Variants in MTF2 observed in about 807,000 individuals in gnomAD.
The protein encoded by MTF2 is metal response element binding transcription factor 2.
MTF2 carries 11 observed loss-of-function variants against 79.5 expected under a neutral mutation model. The observed-to-expected ratio is 0.14, with a 90% CI of 0.09 to 0.23. MTF2 has a LOEUF of 0.23. Ranked by LOEUF, MTF2 falls within the 10% of genes least tolerant of loss-of-function variation. The pLI is 1.00. For synonymous variants in MTF2, 208 were observed against 232.8 expected (o/e 0.89, Z 0.97); for missense variants, 486 against 711.2 (o/e 0.68, Z 3.60).
chr1:93,129,090 C>T (rs1167366574), intron 10 of MTF2, 188 bp from the exon 11 acceptor site: 1 of 400,096 alleles, frequency 2.5e-6, no homozygotes, highest in African/African-American at 2.1e-5. Context: ...ATCCCTTCCT[C>T]CCCATCATAT....
intron 14 of MTF2, among the ~76,000 whole-genome samples, chr1:93,135,015 G>A (rs531753353): frequency 6.6e-6 from 1 of 152,160 alleles, no homozygotes; most frequent in South Asian, 2.1e-4. Context: ...TGTCACCCAG[G>A]CTGGAGTACA....
At chr1:93,094,130 A>C (rs1655186269) in intron 1 of MTF2, among the ~76,000 whole-genome samples, 1 of 152,078 alleles carries the variant, frequency 6.6e-6, no homozygotes, top group African/African-American at 2.4e-5. Context: ...TGGCCTTTTC[A>C]ATCTGGTTAC....
rs757605105 is a variant in MTF2 at position 93,133,803 on chromosome 1, C to T, written c.1261C>T (p.Leu421Phe). The T allele has an allele frequency of 6.2e-7, 1 of 1,601,886 alleles. No homozygotes were observed. Among genetic ancestry groups the T allele is most frequent in the Non-Finnish European group, 8.5e-7 (1 of 1,170,528 alleles). The change falls in exon 12 of 15, where the codon CTT becomes TTT. Residue 421 changes from leucine (L) to phenylalanine (F), a missense_variant. Transcript: ENST00000370298. ...RKMIQKTAEP[L>F]LDKESISENP... Reference sequence around the variant, plus strand: ...AATGATTCAAAAAACTGCTGAGCCACTTTTGGTAAGAGGATATGTTGGTAT... The same window carrying T: ...AATGATTCAAAAAACTGCTGAGCCATTTTTGGTAAGAGGATATGTTGGTAT...
In MTF2 at chr1:93,100,832, A is replaced by T. The variant is rs114819776; in HGVS notation, c.6-9398A>T. ...TTAATGCAGTGCCAAGCTTAAGCAG[A>T]TTACCTGTTGCTTCCCTTATACCTG... On this transcript the variant is annotated intron_variant, in intron 1 of 14. Transcript: ENST00000370298. Among the ~76,000 whole-genome samples the T allele has an allele frequency of 6.3e-3, 953 of 152,306 alleles. 4 individuals carry two copies. Among genetic ancestry groups the T allele is most frequent in the Non-Finnish European group, 8.7e-3 (590 of 68,024 alleles).
rs1038231322 is a variant in MTF2 at position 93,138,826 on chromosome 1, A to G, written c.*1799A>G. ...GTGTATCCTTATTCACTCCACCTGT[A>G]TCATATTATTTCATTTTCCCCAAAG... On this transcript the variant is annotated 3_prime_UTR_variant, in exon 15 of 15. Transcript: ENST00000370298. 18 of 152,194 alleles carry G rather than the reference A, an allele frequency of 1.2e-4. No individual in the cohort carries two copies. Among genetic ancestry groups the G allele is most frequent in the Non-Finnish European group, 7.4e-5 (5 of 68,018 alleles). The allele number at this position is 152,194 out of a possible 1,614,324, so 9.4% of individuals were successfully genotyped here.
intron 6 of MTF2, among the ~76,000 whole-genome samples, chr1:93,116,623 C>T (rs572114139): frequency 2.0e-5 from 3 of 151,798 alleles, no homozygotes; most frequent in African/African-American, 7.3e-5. Context: ...ATCTCAGCCT[C>T]CTGAGTAGGT....
chr1:93,136,914 G>A lies in MTF2; in HGVS notation c.1669G>A (p.Gly557Ser). 6.2e-7 allele frequency: 1 copy of A among 1,614,118 alleles called. No individual in the cohort carries two copies. The change falls in exon 15 of 15, where the codon GGT (glycine) becomes AGT (serine). Residue 557 changes from glycine to serine, a missense_variant. By Grantham distance (56) the Gly-to-Ser change is moderately conservative. Coordinates refer to ENST00000370298, the MANE Select transcript of MTF2 (RefSeq NM_007358.4). Reference protein sequence around the residue: ...HLKNSITSYFGAAGRIACGEK... With the variant: ...HLKNSITSYFSAAGRIACGEK... ...AAAGAACTCCATTACCAGTTATTTT[G>A]GTGCTGCAGGTAGAATAGCATGTGG...
chr1:93,109,106 CT>C (rs1327732095), intron 1 of MTF2, among the ~76,000 whole-genome samples: 3 of 151,924 alleles, frequency 2.0e-5, no homozygotes, highest in Admixed American at 2.0e-4. Flanking sequence ...AACTTTTATG[CT>C]GTTTTTAGAA....
intron 1 of MTF2, among the ~76,000 whole-genome samples, chr1:93,106,315 G>A (rs1655785053): frequency 6.6e-6 from 1 of 152,138 alleles, no homozygotes; most frequent in Non-Finnish European, 1.5e-5. Context: ...TGAAATAATA[G>A]CAAAGCATAT....
In MTF2 at chr1:93,138,904, A is replaced by T. The variant is rs1156522949; in HGVS notation, c.*1877A>T. 1 of 152,328 alleles carries T rather than the reference A, an allele frequency of 6.6e-6. No homozygotes were observed. The highest frequency in any genetic ancestry group is 3.4e-3 in the Middle Eastern group (1 of 294). 9.4% of individuals were successfully genotyped at this position (152,328 alleles called of 1,614,324 possible). A position where few individuals can be genotyped will look rare whatever the true frequency, so the allele number is the denominator to read the frequency against. ...GTATTTTTAGAAATTTTTCTTTAAC[A>T]TACTTGGAAGATGATTTATCCAGCT... On this transcript the variant is annotated 3_prime_UTR_variant, in exon 15 of 15. Coordinates refer to ENST00000370298, the MANE Select transcript of MTF2 (RefSeq NM_007358.4).
rs541956746 is a variant in MTF2 at position 93,093,545 on chromosome 1, G to A, written c.5+14014G>A. ...TGGGAATTCCTTTCTCTTCCCTTCT[G>A]TGTGACATACCTTGCATTCCGTGCC... On this transcript the variant is annotated intron_variant, in intron 1 of 14. Transcript: ENST00000370298. Among the ~76,000 whole-genome samples the A allele has an allele frequency of 2.6e-5, 4 of 152,214 alleles. No individual in the cohort carries two copies. In the South Asian group the frequency reaches 8.3e-4, roughly 32 times the overall value.
chr1:93,081,925 A>T (rs1654620999), intron 1 of MTF2, among the ~76,000 whole-genome samples: 1 of 152,226 alleles, frequency 6.6e-6, no homozygotes, highest in African/African-American at 2.4e-5. Flanking sequence ...TAACCATGGA[A>T]ACCACAGGAA....
At chr1:93,126,479 AG>A (rs902964041) in intron 9 of MTF2, among the ~76,000 whole-genome samples, 2 of 31,518 alleles carry the variant, frequency 6.3e-5, no homozygotes, top group South Asian at 2.5e-3. Context: ...TTTTGGAAGC[AG>A]CTTTTTTTTT....
At chr1:93,125,173 A>G (rs1327024135) in intron 9 of MTF2, among the ~76,000 whole-genome samples, 1 of 151,962 alleles carries the variant, frequency 6.6e-6, no homozygotes, top group Non-Finnish European at 1.5e-5. Context: ...TGACTCAGCA[A>G]ATTTTCAGAT....
chr1:93,135,920 A>G (rs758850978), intron 14 of MTF2, among the ~76,000 whole-genome samples: 17 of 152,248 alleles, frequency 1.1e-4, no homozygotes, highest in South Asian at 2.1e-4. Flanking sequence ...CCAACATTGC[A>G]TGTTTAGCAA....
At chr1:93,113,329 G>A (rs1346596511) in intron 3 of MTF2, among the ~76,000 whole-genome samples, 2 of 152,046 alleles carry the variant, frequency 1.3e-5, no homozygotes, top group Non-Finnish European at 2.9e-5. Flanking sequence ...GCAGTGAGCT[G>A]TGGCTGTGCC....
intron 1 of MTF2, among the ~76,000 whole-genome samples, chr1:93,104,025 A>T (rs1053867815): frequency 6.6e-6 from 1 of 150,826 alleles, no homozygotes; most frequent in Admixed American, 6.6e-5. Context: ...TGAAGCCTCT[A>T]CCTCCTGGGC....
At position 93,103,585 on chromosome 1, in the gene MTF2, A is replaced by G. The variant is rs372820412; in HGVS notation, c.6-6645A>G. Among the ~76,000 whole-genome samples the G allele has an allele frequency of 3.6e-4, 55 of 152,188 alleles. 1 individual carries two copies. The South Asian group carries it at 0.011, about 30-fold the overall frequency. Reference sequence around the variant, plus strand: ...AAGAATCAGGAGATTAACTTTTTTTATGGGAGGAGATTGCATGGAGCATTT... The same window carrying G: ...AAGAATCAGGAGATTAACTTTTTTTGTGGGAGGAGATTGCATGGAGCATTT... On this transcript the variant is annotated intron_variant, in intron 1 of 14. Coordinates refer to ENST00000370298, the MANE Select transcript of MTF2 (RefSeq NM_007358.4).
intron 1 of MTF2, among the ~76,000 whole-genome samples, chr1:93,109,683 TG>T (rs1281290925): frequency 1.3e-5 from 2 of 151,932 alleles, no homozygotes; most frequent in Non-Finnish European, 2.9e-5. Context: ...TGGTTCTCAA[TG>T]TTTTTTTTTT....
Sources: gnomAD v4.1 joint callset for allele counts (sites outside exome capture counted in the v4.1 genomes callset) on GRCh38, gnomAD v4.1.1 for gene constraint, MANE v1.5 for transcripts, NCBI Gene and HGNC (gene_info 2026-07-23, HGNC 2026-07-21) for gene names.